The following ATP2B2 variants were observed in gnomAD, a reference collection of about 807,000 sequenced individuals.
The protein encoded by ATP2B2 is ATPase plasma membrane Ca2+ transporting 2, also known as plasma membrane calcium-transporting ATPase 2.
In ATP2B2, 15 loss-of-function variants were observed where a neutral mutation model predicts 120.0. That is an observed-to-expected ratio of 0.12 (90% CI 0.08 to 0.19). ATP2B2 has a LOEUF of 0.19. Ranked by LOEUF, ATP2B2 falls within the 10% of genes least tolerant of loss-of-function variation. The pLI, the probability that ATP2B2 is intolerant of heterozygous loss-of-function variation, is 1.00. For missense variants in ATP2B2, 1,045 were observed against 1,719.8 expected (o/e 0.61, Z 6.94); for synonymous variants, 694 against 700.3 (o/e 0.99, Z 0.14).
At chr3:10,572,747 T>C (rs538234168) in intron 2 of ATP2B2, among the ~76,000 whole-genome samples, 1 of 152,298 alleles carries the variant, frequency 6.6e-6, no homozygotes, top group South Asian at 2.1e-4. Flanking sequence ...TGAAGGGGCA[T>C]CTGCAGGGGC....
At chr3:10,420,923 C>T (rs1017482446) in intron 2 of ATP2B2, among the ~76,000 whole-genome samples, 13 of 152,344 alleles carry the variant, frequency 8.5e-5, no homozygotes, top group African/African-American at 2.4e-4. Context: ...GGGCATGGCC[C>T]GGACCTTGGG....
intron 2 of ATP2B2, among the ~76,000 whole-genome samples, chr3:10,551,766 T>TAA (rs1423326238): frequency 6.6e-6 from 1 of 152,114 alleles, no homozygotes; most frequent in Non-Finnish European, 1.5e-5. Flanking sequence ...GGTCTGCCAG[T>TAA]AAAGGGGAGT....
intron 2 of ATP2B2, among the ~76,000 whole-genome samples, chr3:10,591,480 C>CACCA (rs1478632009): frequency 2.6e-5 from 4 of 152,128 alleles, no homozygotes; most frequent in Admixed American, 6.5e-5. Flanking sequence ...CACTGTGGCG[C>CACCA]CCTGCTCTCT....
At chr3:10,604,130 T>C (rs2068998001) in intron 2 of ATP2B2, among the ~76,000 whole-genome samples, 1 of 152,160 alleles carries the variant, frequency 6.6e-6, no homozygotes. Context: ...GTCAGGGAGC[T>C]GGCAGGCACC....
At chr3:10,550,600 T>A (rs2067647708) in intron 2 of ATP2B2, among the ~76,000 whole-genome samples, 1 of 152,102 alleles carries the variant, frequency 6.6e-6, no homozygotes. Context: ...AATGCTCCAA[T>A]GAAAGTCAAC....
In ATP2B2 at chr3:10,343,095, A is replaced by G; in HGVS notation, c.2704-130T>C. The G allele has an allele frequency of 1.1e-6, 1 of 903,770 alleles. No individual in the cohort carries two copies. Among genetic ancestry groups the G allele is most frequent in the Non-Finnish European group, 1.7e-6 (1 of 581,078 alleles). The allele number at this position is 903,770 out of a possible 1,614,324, so 56.0% of individuals were successfully genotyped here. ...AGTCCGACCTGCCCCTTGGCTCCCCAGCAGGCATGGAGTTGTTCTCTGATG... is the reference window on the plus strand; with the variant it reads ...AGTCCGACCTGCCCCTTGGCTCCCCGGCAGGCATGGAGTTGTTCTCTGATG... On this transcript the variant is annotated intron_variant, in intron 18 of 22. Transcript: ENST00000360273. The surrounding 1 kb of genome is among the most constrained non-coding windows in gnomAD (Gnocchi z 4.2).
At position 10,347,165 on chromosome 3, in the gene ATP2B2, A is replaced by G. The variant is rs539161110; in HGVS notation, c.2405-1028T>C. On this transcript the variant is annotated intron_variant, in intron 16 of 22. Coordinates refer to ENST00000360273, the MANE Select transcript of ATP2B2 (RefSeq NM_001001331.4). The surrounding 1 kb of genome is among the most constrained non-coding windows in gnomAD (Gnocchi z 5.2). ...TCCTCTGTGACCAGGCCTCACTCAC[A>G]TCCTGACCTCTTCTCTTCTCTCATC... is the stretch of plus-strand genomic sequence containing the variant. Among the ~76,000 whole-genome samples the G allele has an allele frequency of 3.3e-5, 5 of 152,046 alleles. No homozygotes were observed. In the East Asian group the frequency reaches 9.7e-4, roughly 29 times the overall value.
chr3:10,691,721 G>A (rs1575629009), intron 1 of ATP2B2, among the ~76,000 whole-genome samples: 2 of 152,304 alleles, frequency 1.3e-5, no homozygotes, highest in Non-Finnish European at 2.9e-5. Flanking sequence ...TGAGCCCAGC[G>A]CTGAATGCCA....
chr3:10,510,341 C>T (rs928234026), upstream of ATP2B2, among the ~76,000 whole-genome samples: 1 of 152,198 alleles, frequency 6.6e-6, no homozygotes, highest in Non-Finnish European at 1.5e-5. Context: ...CCCATTTTAC[C>T]GATGAGGAAA....
At chr3:10,495,415 T>G (rs1010929948) in intron 1 of ATP2B2, among the ~76,000 whole-genome samples, 12 of 152,352 alleles carry the variant, frequency 7.9e-5, no homozygotes, top group South Asian at 6.2e-4. Context: ...CCCACATCTC[T>G]GAGACCATGT....
At chr3:10,668,485 T>C (rs1382745874) in intron 1 of ATP2B2, among the ~76,000 whole-genome samples, 4 of 152,202 alleles carry the variant, frequency 2.6e-5, no homozygotes, top group Non-Finnish European at 5.9e-5. Flanking sequence ...CCAGGTCACT[T>C]TAAACTGACT....
chr3:10,560,586 C>T (rs1156242484), intron 2 of ATP2B2, among the ~76,000 whole-genome samples: 2 of 152,192 alleles, frequency 1.3e-5, no homozygotes, highest in Non-Finnish European at 2.9e-5. Context: ...CCCATCAGCC[C>T]CTTGCCCCAT....
chr3:10,704,347 C>G (rs1199107466), intron 1 of ATP2B2, among the ~76,000 whole-genome samples: 2 of 152,142 alleles, frequency 1.3e-5, no homozygotes, highest in African/African-American at 4.8e-5. Flanking sequence ...TTCTCTCTGC[C>G]CTATCCATAG....
intron 1 of ATP2B2, among the ~76,000 whole-genome samples, chr3:10,669,717 C>T (rs1235858073): frequency 2.6e-5 from 4 of 152,174 alleles, no homozygotes; most frequent in Admixed American, 6.6e-5. Context: ...TGGTTTGCAT[C>T]GCCTCTGAGC....
intron 1 of ATP2B2, among the ~76,000 whole-genome samples, chr3:10,628,384 C>A (rs1235290976): frequency 6.6e-6 from 1 of 152,210 alleles, no homozygotes; most frequent in African/African-American, 2.4e-5. Context: ...ACAGAGTGAA[C>A]AGCAGCCAGG....
Position 10,346,220 on chromosome 3 carries a change from T to A in ATP2B2, c.2405-83A>T. 3 of 1,294,276 alleles carry A rather than the reference T, an allele frequency of 2.3e-6. No homozygotes were observed. The highest frequency in any genetic ancestry group is 3.3e-6 in the Non-Finnish European group (3 of 911,408). 80.2% of individuals were successfully genotyped at this position (1,294,276 alleles called of 1,614,324 possible). On this transcript the variant is annotated intron_variant, in intron 16 of 22. Transcript: ENST00000360273. This position sits in a 1 kb window ranked among gnomAD's most constrained non-coding sequence, Gnocchi z 4.1. Reference sequence around the variant, plus strand: ...CCAGCCCTGGTCCTCGGGAGGGGCCTGGCTGGGCATGGCTTCCTCTCTGGT... The same window carrying A: ...CCAGCCCTGGTCCTCGGGAGGGGCCAGGCTGGGCATGGCTTCCTCTCTGGT...
intron 1 of ATP2B2, among the ~76,000 whole-genome samples, chr3:10,702,527 A>G (rs982841548): frequency 6.6e-6 from 1 of 152,188 alleles, no homozygotes; most frequent in Non-Finnish European, 1.5e-5. Context: ...GTTCCCAGGC[A>G]GAATGGTATA....
intron 2 of ATP2B2, among the ~76,000 whole-genome samples, chr3:10,420,023 G>T (rs1234021533): frequency 6.6e-6 from 1 of 152,240 alleles, no homozygotes; most frequent in Non-Finnish European, 1.5e-5. Context: ...AGCCTGAGAG[G>T]CACCCAGAAG....
At chr3:10,565,247 T>C (rs1426144351) in intron 2 of ATP2B2, among the ~76,000 whole-genome samples, 1 of 152,144 alleles carries the variant, frequency 6.6e-6, no homozygotes, top group East Asian at 1.9e-4. Context: ...TACCCTGCTA[T>C]TTGGAGGTCT....
Sources: allele counts gnomAD v4.1 joint callset (sites outside exome capture counted in the v4.1 genomes callset), GRCh38; gene constraint gnomAD v4.1.1; non-coding constraint Gnocchi (gnomAD v3.1); transcripts MANE v1.5; gene names NCBI Gene and HGNC (gene_info 2026-07-23, HGNC 2026-07-21).